Variants in FBXL7 observed in about 807,000 individuals in gnomAD.
The protein encoded by FBXL7 is F-box and leucine rich repeat protein 7.
FBXL7 carries 12 observed loss-of-function variants against 38.3 expected under a neutral mutation model. That is an observed-to-expected ratio of 0.31 (90% confidence interval 0.20 to 0.51). FBXL7 has a LOEUF of 0.51. Ranked by LOEUF, FBXL7 falls within the 20% of genes least tolerant of loss-of-function variation. The probability of loss-of-function intolerance (pLI) is 0.98; values close to 1 mark genes in which losing one functional copy is unlikely to be tolerated. For missense variants in FBXL7, 567 were observed against 676.4 expected (o/e 0.84, Z 1.79); for synonymous variants, 297 against 300.9 (o/e 0.99, Z 0.13).
chr5:15,918,576 C>T (rs1351821987), intron 2 of FBXL7, among the ~76,000 whole-genome samples: 1 of 152,222 alleles, frequency 6.6e-6, no homozygotes, highest in African/African-American at 2.4e-5. Flanking sequence ...ACAAAACCCA[C>T]GCTTAGTTCG....
At chr5:15,747,084 G>A (rs1579429414) in intron 2 of FBXL7, among the ~76,000 whole-genome samples, 1 of 152,092 alleles carries the variant, frequency 6.6e-6, no homozygotes, top group East Asian at 1.9e-4. Context: ...AAGGGACCCT[G>A]AGCCACAACT....
intron 2 of FBXL7, among the ~76,000 whole-genome samples, chr5:15,652,722 A>G (rs910965753): frequency 6.6e-6 from 1 of 152,364 alleles, no homozygotes; most frequent in South Asian, 2.1e-4. Context: ...CTGGAATTCA[A>G]TACTGGTGTG....
intron 2 of FBXL7, among the ~76,000 whole-genome samples, chr5:15,676,415 C>A (rs1229013502): frequency 6.6e-6 from 1 of 152,218 alleles, no homozygotes; most frequent in African/African-American, 2.4e-5. Context: ...AAGGTTTTCA[C>A]TGGACTTTGT....
At chr5:15,710,391 G>T (rs1442454100) in intron 2 of FBXL7, among the ~76,000 whole-genome samples, 2 of 151,984 alleles carry the variant, frequency 1.3e-5, no homozygotes, top group Non-Finnish European at 2.9e-5. Flanking sequence ...CATCTGTGTG[G>T]AATGCTCTTT....
intron 2 of FBXL7, among the ~76,000 whole-genome samples, chr5:15,792,595 T>TA (rs1737304474): frequency 1.3e-5 from 2 of 152,148 alleles, no homozygotes; most frequent in African/African-American, 4.8e-5. Flanking sequence ...TTCAGGAAGG[T>TA]AAAGACTTTG....
chr5:15,897,171 A>T (rs1741124267), intron 2 of FBXL7, among the ~76,000 whole-genome samples: 1 of 152,058 alleles, frequency 6.6e-6, no homozygotes, highest in Admixed American at 6.6e-5. Flanking sequence ...TCATAAACAT[A>T]GTTTTTCCTA....
At chr5:15,703,784 A>G (rs1157252520) in intron 2 of FBXL7, among the ~76,000 whole-genome samples, 1 of 152,220 alleles carries the variant, frequency 6.6e-6, no homozygotes, top group Admixed American at 6.5e-5. Context: ...TTTTAAAATA[A>G]AATTATAATG....
At chr5:15,523,011 G>C (rs551122291) in intron 1 of FBXL7, among the ~76,000 whole-genome samples, 1 of 152,162 alleles carries the variant, frequency 6.6e-6, no homozygotes, top group East Asian at 1.9e-4. Context: ...AATTAGTTAT[G>C]TGTAAATGAA....
intron 1 of FBXL7, among the ~76,000 whole-genome samples, chr5:15,595,691 G>A (rs952712555): frequency 4.6e-5 from 7 of 152,166 alleles, no homozygotes; most frequent in African/African-American, 1.7e-4. Context: ...CTGAGGCAGA[G>A]AGTTAAGCAT....
chr5:15,809,282 T>C (rs1737792896), intron 2 of FBXL7, among the ~76,000 whole-genome samples: 1 of 152,184 alleles, frequency 6.6e-6, no homozygotes, highest in African/African-American at 2.4e-5. Flanking sequence ...CCTTTGAACT[T>C]GCAGACTCCT....
chr5:15,516,877 C>T (rs1231383756), intron 1 of FBXL7, among the ~76,000 whole-genome samples: 3 of 152,142 alleles, frequency 2.0e-5, no homozygotes, highest in Non-Finnish European at 2.9e-5. Context: ...TTGTGCGTTT[C>T]CTGAGGCCTC....
At chr5:15,530,826 A>C (rs1737399558) in intron 1 of FBXL7, among the ~76,000 whole-genome samples, 1 of 152,244 alleles carries the variant, frequency 6.6e-6, no homozygotes, top group South Asian at 2.1e-4. Flanking sequence ...CTTTGGGGCC[A>C]GCTGGGGAAG....
At chr5:15,899,402 C>A (rs1741181788) in intron 2 of FBXL7, among the ~76,000 whole-genome samples, 1 of 152,130 alleles carries the variant, frequency 6.6e-6, no homozygotes, top group Admixed American at 6.6e-5. Flanking sequence ...AACTTTAATT[C>A]TGAAACAGTG....
intron 3 of FBXL7, among the ~76,000 whole-genome samples, chr5:15,933,467 A>G (rs1742093273): frequency 6.6e-6 from 1 of 152,226 alleles, no homozygotes; most frequent in Non-Finnish European, 1.5e-5. Context: ...CAGATGGCCA[A>G]TCACTACCAT....
rs958802575 is a variant in FBXL7 at position 15,938,976 on chromosome 5, G to C, written c.*1790G>C. On this transcript the variant is annotated 3_prime_UTR_variant, in exon 4 of 4. Coordinates refer to ENST00000504595, the MANE Select transcript of FBXL7 (RefSeq NM_012304.5). ...CCCATTATCCAAATGCAGAACCTCT[G>C]CATCTCCAAGCCAGTTATGCTGAAT... The C allele has an allele frequency of 2.5e-6, 1 of 398,886 alleles. No individual in the cohort carries two copies. The highest frequency in any genetic ancestry group is 2.1e-5 in the African/African-American group (1 of 48,604). 24.7% of individuals were successfully genotyped at this position (398,886 alleles called of 1,614,324 possible). A position where few individuals can be genotyped will look rare whatever the true frequency, so the allele number is the denominator to read the frequency against.
intron 1 of FBXL7, among the ~76,000 whole-genome samples, chr5:15,558,381 C>G (rs1252510842): frequency 6.6e-6 from 1 of 152,182 alleles, no homozygotes. Flanking sequence ...ATCACTCAAG[C>G]CCAATTTCTC....
intron 1 of FBXL7, among the ~76,000 whole-genome samples, chr5:15,518,376 T>G (rs531005879): frequency 2.6e-5 from 4 of 152,196 alleles, no homozygotes; most frequent in Non-Finnish European, 5.9e-5. Context: ...TTATTTTTAT[T>G]ATTTCCTCGG....
intron 2 of FBXL7, among the ~76,000 whole-genome samples, chr5:15,719,130 A>G (rs1318935865): frequency 6.6e-6 from 1 of 152,178 alleles, no homozygotes; most frequent in Non-Finnish European, 1.5e-5. Flanking sequence ...GGATAGCAAA[A>G]GGTTTGAAGG....
intron 2 of FBXL7, among the ~76,000 whole-genome samples, chr5:15,730,755 T>TG (rs1222125149): frequency 2.0e-5 from 3 of 152,230 alleles, no homozygotes; most frequent in African/African-American, 7.2e-5. Flanking sequence ...ATTAGATATA[T>TG]GATACAAAGG....
Sources: allele counts gnomAD v4.1 joint callset (sites outside exome capture counted in the v4.1 genomes callset), GRCh38; gene constraint gnomAD v4.1.1; transcripts MANE v1.5; gene names NCBI Gene and HGNC (gene_info 2026-07-23, HGNC 2026-07-21).